The following ELP1 variants were observed in gnomAD, a reference collection of about 807,000 sequenced individuals.
ELP1 encodes the protein elongator complex protein 1.
ELP1 carries 131 observed loss-of-function variants against 183.2 expected under a neutral mutation model. That is an observed-to-expected ratio of 0.72 (90% CI 0.62 to 0.83). ELP1 has a LOEUF of 0.83. Among genes scored for constraint, ELP1 ranks in the 40% least tolerant of loss-of-function variants. The probability of loss-of-function intolerance (pLI) is 0.00; values close to 1 mark genes in which losing one functional copy is unlikely to be tolerated. For missense variants in ELP1, 1,550 were observed against 1,594.9 expected, an observed-to-expected ratio of 0.97 and a Z score of 0.48; for synonymous variants, 555 against 569.0, an observed-to-expected ratio of 0.98 and a Z score of 0.35.
At position 108,931,181 on chromosome 9, in the gene ELP1, C is replaced by A. The variant is rs1287597548; in HGVS notation, c.-35G>T. 6.3e-7 allele frequency: 1 copy of A among 1,598,074 alleles called. No individual in the cohort carries two copies. Among genetic ancestry groups the A allele is most frequent in the Non-Finnish European group, 8.6e-7 (1 of 1,165,494 alleles). ...ATTCCCACGAGACAAGTACAACTAT[C>A]CCTTGATGAATCATTAATCTCTAAG... On this transcript the variant is annotated 5_prime_UTR_variant, in exon 2 of 37. Coordinates refer to ENST00000374647, the MANE Select transcript of ELP1 (RefSeq NM_003640.5).
rs1829857264 is a variant in ELP1, at chr9:108,927,464, G to C, written c.304-11C>G. 6.2e-7 allele frequency: 1 copy of C among 1,606,722 alleles called. No individual in the cohort carries two copies. The highest frequency in any genetic ancestry group is 8.5e-7 in the Non-Finnish European group (1 of 1,173,404). Reference sequence around the variant, plus strand: ...CCCAACACACTCCAGCTGAGACAGAGAAAATTGAAAAGAGAGATTCAAACA... The same window carrying C: ...CCCAACACACTCCAGCTGAGACAGACAAAATTGAAAAGAGAGATTCAAACA... On this transcript the variant is annotated splice_polypyrimidine_tract_variant and intron_variant, in intron 3 of 36. Coordinates refer to ENST00000374647, the MANE Select transcript of ELP1 (RefSeq NM_003640.5).
At position 108,900,345 on chromosome 9, in the gene ELP1, A is replaced by G; in HGVS notation, c.2045T>C (p.Val682Ala). 3 of 1,614,202 alleles carry G rather than the reference A, an allele frequency of 1.9e-6. No individual in the cohort carries two copies. The East Asian group carries it at 6.7e-5, about 36-fold the overall frequency. ...TTTCCGCAGAACTTCCCCATGGGAC[A>G]CATGATTGCTGCTCAGGCCGGCCTG... ...TLQAGLSSNH[V>A]SHGEVLRKVE... The change falls in exon 19 of 37, where the codon GTG (valine) becomes GCG (alanine). Residue 682 changes from valine to alanine, a missense_variant. Physicochemically the swap from Val to Ala is moderately conservative, Grantham distance 64. Transcript: ENST00000374647.
chr9:108,896,382 G>T, intron 25 of ELP1, 114 bp downstream of exon 25: 1 of 931,860 alleles, frequency 1.1e-6, no homozygotes, highest in Non-Finnish European at 1.7e-6. Flanking sequence ...TCTGTCTCCA[G>T]CCCTGCACTC....
chr9:108,919,156 A>G lies in ELP1; in HGVS notation c.649+97T>C, dbSNP rs111356534. The G allele has an allele frequency of 2.1e-5, 18 of 847,302 alleles. No homozygotes were observed. The African/African-American group carries it at 2.4e-4, about 11-fold the overall frequency. The allele number at this position is 847,302 out of a possible 1,614,324, so 52.5% of individuals were successfully genotyped here. On this transcript the variant is annotated intron_variant, in intron 7 of 36. Coordinates refer to ENST00000374647, the MANE Select transcript of ELP1 (RefSeq NM_003640.5). ...AGCACATCCTTGCCTCATATGTATA[A>G]TTAATACCCTACTCAAAGCAAAAGA...
intron 36 of ELP1, among the ~76,000 whole-genome samples, chr9:108,873,250 T>C (rs147648226): frequency 6.6e-6 from 1 of 152,356 alleles, no homozygotes; most frequent in Non-Finnish European, 1.5e-5. Context: ...CTGCATGATA[T>C]TGTATTGCAT....
At chr9:108,889,574 G>T (rs1828247039) in intron 28 of ELP1, 181 bp from the exon 29 acceptor site, 1 of 663,680 alleles carries the variant, frequency 1.5e-6, no homozygotes. Flanking sequence ...TTTAGCACAG[G>T]AATTGAAAAT....
chr9:108,916,759 C>T (rs543590189), intron 9 of ELP1, among the ~76,000 whole-genome samples: 4 of 152,096 alleles, frequency 2.6e-5, no homozygotes, highest in Non-Finnish European at 4.4e-5. Context: ...AGTTGCGGAC[C>T]GATGAAAATA....
rs1827952314 is a variant in ELP1 at position 108,882,128 on chromosome 9, C to T, written c.3282G>A (p.Arg1094=). The T allele has an allele frequency of 6.2e-7, 1 of 1,613,348 alleles. No homozygotes were observed. Among genetic ancestry groups the T allele is most frequent in the Non-Finnish European group, 8.5e-7 (1 of 1,179,610 alleles). ...LEGAAWEEAL[R]LVYKYNRLDI... ...AGAGGATTTACAAGATTCTTACCAG[C>T]CTCAAAGCTTCTTCCCAGGCAGCTC... Residue 1094 remains arginine (R), a synonymous_variant, in exon 30 of 37, where the codon AGG becomes AGA. Coordinates refer to ENST00000374647, the MANE Select transcript of ELP1 (RefSeq NM_003640.5).
rs756707486 is a variant in ELP1, at chr9:108,906,318, C to T, written c.1628G>A (p.Gly543Glu). Residue 543 changes from glycine to glutamate, a missense_variant, in exon 14 of 37, where the codon GGA (glycine) becomes GAA (glutamate). Coordinates refer to ENST00000374647, the MANE Select transcript of ELP1 (RefSeq NM_003640.5). ...ACTGCAATACCTGACATTGAGCTGT[C>T]CATGCTCTTCATCCATCTCAGAAGA... ...AASSEMDEEH[G>E]QLNVSSSAAV... is the part of the protein sequence containing the mutation. The T allele has an allele frequency of 1.2e-6, 2 of 1,613,948 alleles. No homozygotes were observed. Among genetic ancestry groups the T allele is most frequent in the Non-Finnish European group, 1.7e-6 (2 of 1,179,858 alleles).
intron 25 of ELP1, 35 bp downstream of exon 25, chr9:108,896,461 G>T: frequency 6.2e-7 from 1 of 1,608,224 alleles, no homozygotes; most frequent in South Asian, 1.1e-5. Context: ...ATATAAACAA[G>T]AACCAAATGG....
chr9:108,900,474 C>A, intron 18 of ELP1, 99 bp from the exon 19 acceptor site: 1 of 859,550 alleles, frequency 1.2e-6, no homozygotes. Context: ...TAGAAGAGAA[C>A]AAATAACAAC....
intron 28 of ELP1, 63 bp downstream of exon 28, chr9:108,891,140 A>C: frequency 1.3e-6 from 2 of 1,531,566 alleles, no homozygotes; most frequent in Non-Finnish European, 1.8e-6. Context: ...CAAAATTACC[A>C]AACAAAAGAA....
At position 108,901,625 on chromosome 9, in the gene ELP1, T is replaced by C; in HGVS notation, c.1908+3A>G. ...GATCCAACACCAAACCAAGCCTTGA[T>C]ACCTCAATGTCATTGATGAAAAAGC... is the stretch of plus-strand genomic sequence containing the variant. On this transcript the variant is annotated splice_donor_region_variant and intron_variant, in intron 17 of 36. Transcript: ENST00000374647. The C allele has an allele frequency of 6.2e-7, 1 of 1,614,152 alleles. No individual in the cohort carries two copies. The highest frequency in any genetic ancestry group is 2.2e-5 in the East Asian group (1 of 44,890).
At chr9:108,884,549 C>T (rs1236492275) in intron 29 of ELP1, among the ~76,000 whole-genome samples, 4 of 151,868 alleles carry the variant, frequency 2.6e-5, no homozygotes, top group Non-Finnish European at 5.9e-5. Context: ...TCTCTAATCA[C>T]AACAAAATTA....
chr9:108,931,317 T>G, intron 1 of ELP1, 116 bp from the exon 2 acceptor site: 1 of 694,016 alleles, frequency 1.4e-6, no homozygotes, highest in Non-Finnish European at 2.4e-6. Context: ...AAGAAAAAAC[T>G]TACCTCTCTG....
chr9:108,924,951 G>A (rs1268310906), intron 5 of ELP1, among the ~76,000 whole-genome samples: 1 of 152,062 alleles, frequency 6.6e-6, no homozygotes, highest in Non-Finnish European at 1.5e-5. Flanking sequence ...TCTCAAACTG[G>A]CCTAGGGCAG....
intron 4 of ELP1, 129 bp from the exon 5 acceptor site, chr9:108,926,732 G>T (rs780252459): frequency 1.3e-4 from 93 of 717,400 alleles, no homozygotes; most frequent in Admixed American, 5.1e-4. Flanking sequence ...CATCCAAAAT[G>T]CTTTGACTTA....
chr9:108,900,308 A>T lies in ELP1; in HGVS notation c.2082T>A (p.Gly694=), dbSNP rs760054484. The T allele has an allele frequency of 1.6e-5, 26 of 1,613,570 alleles. No homozygotes were observed. The highest frequency in any genetic ancestry group is 2.2e-5 in the Non-Finnish European group (26 of 1,179,708). Residue 694 remains glycine, a synonymous_variant, in exon 19 of 37, where the codon GGT becomes GGA. Transcript: ENST00000374647. ...GGGGCACAACAGTGACAATCCGTGA[A>T]CCCCTCTCCACTTTCCGCAGAACTT... ...HGEVLRKVER[G]SRIVTVVPQD...
chr9:108,931,245 T>A, intron 1 of ELP1, 44 bp from the exon 2 acceptor site: 2 of 1,214,622 alleles, frequency 1.6e-6, no homozygotes, highest in Non-Finnish European at 2.4e-6. Context: ...ATGACCATAT[T>A]TATTTAAATG....
Sources: allele counts gnomAD v4.1 joint callset (sites outside exome capture counted in the v4.1 genomes callset), GRCh38; gene constraint gnomAD v4.1.1; transcripts MANE v1.5; gene names NCBI Gene and HGNC (gene_info 2026-07-23, HGNC 2026-07-21).